ADGRL3: variants seen among roughly 807,000 people sequenced by gnomAD.
The protein encoded by ADGRL3 is adhesion G protein-coupled receptor L3, also known as calcium-independent alpha-latrotoxin receptor 3.
A neutral mutation model predicts 153.5 loss-of-function variants in ADGRL3; 62 were observed. That is an observed-to-expected ratio of 0.40 (90% confidence interval 0.33 to 0.50). ADGRL3 has a LOEUF of 0.50. Among genes scored for constraint, ADGRL3 ranks in the 20% least tolerant of loss-of-function variants. The pLI is 0.47. For synonymous variants in ADGRL3, 710 were observed against 672.5 expected (o/e 1.06, Z -0.86); for missense variants, 1,641 against 1,859.4 (o/e 0.88, Z 2.16).
chr4:62,018,085 A>T (rs948258803), intron 21 of ADGRL3, among the ~76,000 whole-genome samples: 4 of 152,106 alleles, frequency 2.6e-5, no homozygotes, highest in African/African-American at 9.7e-5. Flanking sequence ...CTGTTTGCAA[A>T]TTGAGCAGTG....
At chr4:61,291,188 A>ACG (rs1471476941) in intron 1 of ADGRL3, among the ~76,000 whole-genome samples, 61 of 85,800 alleles carry the variant, frequency 7.1e-4, no homozygotes, top group East Asian at 5.2e-3. Context: ...ACACACACAC[A>ACG]CACACACACA....
chr4:61,752,294 C>T (rs2096766929), intron 8 of ADGRL3, among the ~76,000 whole-genome samples: 1 of 152,102 alleles, frequency 6.6e-6, no homozygotes, highest in South Asian at 2.1e-4. Flanking sequence ...GATTAAACTT[C>T]AGTGCTTTTA....
intron 24 of ADGRL3, 38 bp downstream of exon 24, chr4:62,037,894 A>G (rs751586697): frequency 6.2e-7 from 1 of 1,611,996 alleles, no homozygotes; most frequent in Non-Finnish European, 8.5e-7. Context: ...AGTAATTCTT[A>G]ACTATACCAG....
chr4:61,300,443 C>A (rs73825103), intron 1 of ADGRL3, among the ~76,000 whole-genome samples: 4,951 of 152,250 alleles, frequency 0.033, 168 homozygotes, highest in African/African-American at 0.082. Flanking sequence ...CATCATAAAT[C>A]AATATCCTTT....
chr4:62,048,488 C>T (rs1732348125), intron 25 of ADGRL3, among the ~76,000 whole-genome samples: 1 of 152,028 alleles, frequency 6.6e-6, no homozygotes, highest in African/African-American at 2.4e-5. Context: ...GTCTTGAACT[C>T]CTGACCTCGT....
intron 5 of ADGRL3, among the ~76,000 whole-genome samples, chr4:61,618,718 T>C (rs538985079): frequency 1.8e-3 from 267 of 152,176 alleles, no homozygotes; most frequent in African/African-American, 6.2e-3. Context: ...CCTTGTTCGT[T>C]TGTTTGTTTT....
chr4:61,999,592 T>C (rs1425814123), intron 21 of ADGRL3, among the ~76,000 whole-genome samples: 2 of 152,210 alleles, frequency 1.3e-5, no homozygotes, highest in African/African-American at 4.8e-5. Flanking sequence ...AGGTAATCTG[T>C]GACTTTTCTG....
At chr4:61,541,956 T>G (rs954499758) in intron 4 of ADGRL3, among the ~76,000 whole-genome samples, 11 of 152,136 alleles carry the variant, frequency 7.2e-5, no homozygotes, top group African/African-American at 2.7e-4. Context: ...ATCACCATGT[T>G]TTGTGATAAT....
intron 1 of ADGRL3, among the ~76,000 whole-genome samples, chr4:61,323,961 T>TA (rs1373079985): frequency 2.0e-5 from 3 of 152,188 alleles, no homozygotes; most frequent in Non-Finnish European, 2.9e-5. Flanking sequence ...TTATTGGACT[T>TA]ACAGTTTCAT....
intron 2 of ADGRL3, among the ~76,000 whole-genome samples, chr4:61,433,634 T>G (rs1344295036): frequency 6.6e-6 from 1 of 152,170 alleles, no homozygotes. Context: ...GTTCGCCCTT[T>G]GGATTTCTAT....
intron 2 of ADGRL3, among the ~76,000 whole-genome samples, chr4:61,477,939 G>C (rs2098085480): frequency 1.3e-5 from 2 of 151,984 alleles, no homozygotes. Flanking sequence ...GCTTGAAATA[G>C]TTTAAGAGTT....
chr4:61,792,773 C>T (rs2097359230), intron 8 of ADGRL3, among the ~76,000 whole-genome samples: 1 of 152,022 alleles, frequency 6.6e-6, no homozygotes. Flanking sequence ...CAGGCATTGG[C>T]CACAGTGCCT....
chr4:61,263,706 C>A (rs1426221218), intron 1 of ADGRL3, among the ~76,000 whole-genome samples: 1 of 151,942 alleles, frequency 6.6e-6, no homozygotes, highest in Non-Finnish European at 1.5e-5. Context: ...TTCTGTCCAT[C>A]AAAATTGTGG....
intron 1 of ADGRL3, among the ~76,000 whole-genome samples, chr4:61,306,638 A>C (rs955622200): frequency 6.6e-6 from 1 of 152,188 alleles, no homozygotes; most frequent in South Asian, 2.1e-4. Context: ...TCATTTCTCC[A>C]ACTCTAGGAT....
At chr4:61,454,283 A>G (rs2097708612) in intron 2 of ADGRL3, among the ~76,000 whole-genome samples, 1 of 151,130 alleles carries the variant, frequency 6.6e-6, no homozygotes, top group Non-Finnish European at 1.5e-5. Flanking sequence ...GTGCTACCTG[A>G]AAAAAAAAGA....
intron 4 of ADGRL3, among the ~76,000 whole-genome samples, chr4:61,560,516 G>A (rs191002291): frequency 6.6e-6 from 1 of 152,126 alleles, no homozygotes; most frequent in Admixed American, 6.6e-5. Flanking sequence ...GGAAATGGTG[G>A]GACAATCTGA....
At chr4:61,384,188 G>A (rs1371019601) in intron 2 of ADGRL3, among the ~76,000 whole-genome samples, 1 of 136,646 alleles carries the variant, frequency 7.3e-6, no homozygotes, top group East Asian at 2.1e-4. Context: ...TTGATGTTTT[G>A]TCTTTTAAAT....
At chr4:61,327,835 G>A (rs1200676238) in intron 1 of ADGRL3, among the ~76,000 whole-genome samples, 1 of 152,006 alleles carries the variant, frequency 6.6e-6, no homozygotes, top group East Asian at 1.9e-4. Flanking sequence ...ATGGAGAAAT[G>A]GCCATTTAAT....
At chr4:61,828,824 A>G (rs1270903739) in intron 9 of ADGRL3, among the ~76,000 whole-genome samples, 1 of 152,196 alleles carries the variant, frequency 6.6e-6, no homozygotes, top group African/African-American at 2.4e-5. Context: ...CAAATGTCAT[A>G]TGAAAAGCTA....
Sources: allele counts gnomAD v4.1 joint callset (sites outside exome capture counted in the v4.1 genomes callset), GRCh38; gene constraint gnomAD v4.1.1; transcripts MANE v1.5; gene names NCBI Gene and HGNC (gene_info 2026-07-23, HGNC 2026-07-21).